The following FGF14 variants were observed in gnomAD, a reference collection of about 807,000 sequenced individuals.
The protein encoded by FGF14 is fibroblast growth factor 14.
A neutral mutation model predicts 25.5 loss-of-function variants in FGF14; 5 were observed. That is an observed-to-expected ratio of 0.20 (90% CI 0.10 to 0.41). The LOEUF (loss-of-function observed/expected upper bound fraction) is 0.41. FGF14 is among the 10% of genes least tolerant of loss of function. FGF14 has a pLI of 1.00. For synonymous variants in FGF14, 138 were observed against 118.3 expected, an observed-to-expected ratio of 1.17 and a Z score of -1.08; for missense variants, 222 against 320.1, an observed-to-expected ratio of 0.69 and a Z score of 2.34.
At chr13:101,995,613 G>A (rs2039135981) in intron 1 of FGF14, among the ~76,000 whole-genome samples, 1 of 151,968 alleles carries the variant, frequency 6.6e-6, no homozygotes, top group Non-Finnish European at 1.5e-5. Context: ...ATCTAATGAG[G>A]GATAACGTAT....
intron 1 of FGF14, among the ~76,000 whole-genome samples, chr13:102,259,004 T>G (rs1353836288): frequency 6.6e-6 from 1 of 152,182 alleles, no homozygotes; most frequent in African/African-American, 2.4e-5. Flanking sequence ...AAATTAATAT[T>G]CTCAAAAAAG....
At chr13:102,174,419 G>A (rs1378571691) in intron 1 of FGF14, among the ~76,000 whole-genome samples, 2 of 151,356 alleles carry the variant, frequency 1.3e-5, no homozygotes, top group South Asian at 2.1e-4. Context: ...ACCCACCTCA[G>A]CCTCCCAAAG....
At chr13:102,109,012 C>T (rs1466416014) in intron 1 of FGF14, among the ~76,000 whole-genome samples, 2 of 152,004 alleles carry the variant, frequency 1.3e-5, no homozygotes, top group African/African-American at 2.4e-5. Flanking sequence ...GTCATGAATC[C>T]CTTGAAATTG....
intron 1 of FGF14, among the ~76,000 whole-genome samples, chr13:102,268,061 A>G (rs1296383856): frequency 2.6e-5 from 4 of 152,210 alleles, no homozygotes. Flanking sequence ...CACATTTATG[A>G]AATCAATAAA....
rs959856220 is a variant in FGF14 at position 101,712,087 on chromosome 13, A to G, written c.*10744T>C. Reference sequence around the variant, plus strand: ...TGGAAGAAAACAGCTAGAGCGTTCTACAGGAAAAGTGCTATAATAGGTCCT... The same window carrying G: ...TGGAAGAAAACAGCTAGAGCGTTCTGCAGGAAAAGTGCTATAATAGGTCCT... On this transcript the variant is annotated 3_prime_UTR_variant, in exon 5 of 5. Coordinates refer to ENST00000376143, the MANE Select transcript of FGF14 (RefSeq NM_004115.4). 5.3e-5 allele frequency: 8 copies of G among 152,220 alleles called. No individual in the cohort carries two copies. The highest frequency in any genetic ancestry group is 5.2e-4 in the Admixed American group (8 of 15,282). The allele number at this position is 152,220 out of a possible 1,614,324, so 9.4% of individuals were successfully genotyped here.
At chr13:102,239,124 C>G (rs1272075487) in intron 1 of FGF14, among the ~76,000 whole-genome samples, 4 of 152,042 alleles carry the variant, frequency 2.6e-5, no homozygotes, top group Admixed American at 1.3e-4. Context: ...ATGACAACCC[C>G]AAGATCCCAG....
At chr13:101,947,469 AT>A (rs2035883738) in intron 1 of FGF14, among the ~76,000 whole-genome samples, 1 of 152,086 alleles carries the variant, frequency 6.6e-6, no homozygotes, top group Non-Finnish European at 1.5e-5. Context: ...TTAGAAAAAA[AT>A]GTGATACATA....
At chr13:102,299,537 A>C (rs2054914325) in intron 1 of FGF14, among the ~76,000 whole-genome samples, 1 of 151,874 alleles carries the variant, frequency 6.6e-6, no homozygotes, top group Admixed American at 6.6e-5. Context: ...GATCATGAGG[A>C]AAATCAAACA....
At chr13:102,150,539 A>G (rs1050595980) in intron 1 of FGF14, among the ~76,000 whole-genome samples, 1 of 152,142 alleles carries the variant, frequency 6.6e-6, no homozygotes, top group Non-Finnish European at 1.5e-5. Context: ...TATTTGTCCT[A>G]TGATTCCCGA....
chr13:102,291,876 C>T (rs1185941224), intron 1 of FGF14, among the ~76,000 whole-genome samples: 1 of 152,068 alleles, frequency 6.6e-6, no homozygotes, highest in Non-Finnish European at 1.5e-5. Context: ...GACCCCAGGC[C>T]GACCCTCCTG....
At chr13:102,263,208 C>T (rs747222082) in intron 1 of FGF14, 10 of 526,860 alleles carry the variant, frequency 1.9e-5, no homozygotes, top group South Asian at 1.1e-4. Context: ...GAAGACATGG[C>T]GAGAAGCGCA....
chr13:101,728,342 C>A (rs931130897), intron 3 of FGF14, among the ~76,000 whole-genome samples: 3 of 152,002 alleles, frequency 2.0e-5, no homozygotes, highest in African/African-American at 7.2e-5. Context: ...ATCTTTATTT[C>A]TTCTTGATGA....
At chr13:102,352,242 T>TACACACACAC (rs56774921) in intron 1 of FGF14, among the ~76,000 whole-genome samples, 17 of 137,284 alleles carry the variant, frequency 1.2e-4, no homozygotes, top group Admixed American at 5.1e-4. Flanking sequence ...TGTACCTTTA[T>TACACACACAC]ACACACACAC....
At chr13:101,897,964 G>A (rs1272095039) in intron 1 of FGF14, among the ~76,000 whole-genome samples, 1 of 151,796 alleles carries the variant, frequency 6.6e-6, no homozygotes, top group African/African-American at 2.4e-5. Flanking sequence ...GTGCAGTCTC[G>A]GCTTACTGCA....
intron 1 of FGF14, among the ~76,000 whole-genome samples, chr13:102,341,038 CA>C (rs2056934946): frequency 6.6e-6 from 1 of 151,940 alleles, no homozygotes; most frequent in East Asian, 1.9e-4. Context: ...GTAGAATAAC[CA>C]ATGAGAAGCT....
At chr13:102,230,245 T>G (rs905708687) in intron 1 of FGF14, among the ~76,000 whole-genome samples, 1 of 152,174 alleles carries the variant, frequency 6.6e-6, no homozygotes, top group African/African-American at 2.4e-5. Context: ...TATCTTGGAC[T>G]TCCCAGTCTC....
intron 1 of FGF14, chr13:101,967,633 G>A (rs1380685402): frequency 1.3e-5 from 2 of 153,486 alleles, no homozygotes; most frequent in Non-Finnish European, 2.9e-5. Context: ...TGCTTCTTTA[G>A]ATAGCTTACA....
At chr13:102,188,843 A>G (rs562842886) in intron 1 of FGF14, among the ~76,000 whole-genome samples, 3 of 152,050 alleles carry the variant, frequency 2.0e-5, no homozygotes, top group African/African-American at 7.2e-5. Flanking sequence ...GGGGAGGCTG[A>G]GGCAGGACAA....
At chr13:102,064,113 C>T (rs1177944830) in intron 1 of FGF14, among the ~76,000 whole-genome samples, 2 of 152,020 alleles carry the variant, frequency 1.3e-5, no homozygotes, top group Non-Finnish European at 2.9e-5. Flanking sequence ...TGAAGAATTA[C>T]GTTAGCTAAA....
Sources: gnomAD v4.1 joint callset for allele counts (sites outside exome capture counted in the v4.1 genomes callset) on GRCh38, gnomAD v4.1.1 for gene constraint, MANE v1.5 for transcripts, NCBI Gene and HGNC (gene_info 2026-07-23, HGNC 2026-07-21) for gene names.